Variants in RNF31 observed in about 807,000 individuals in gnomAD.
RNF31 encodes ring finger protein 31.
A neutral mutation model predicts 133.6 loss-of-function variants in RNF31; 38 were observed. That is an observed-to-expected ratio of 0.28 (90% CI 0.22 to 0.37). The LOEUF is 0.37. Ranked by LOEUF, RNF31 falls within the 10% of genes least tolerant of loss-of-function variation. The pLI is 1.00. For missense variants in RNF31, 1,118 were observed against 1,394.1 expected (o/e 0.80, Z 3.15); for synonymous variants, 582 against 552.3 (o/e 1.05, Z -0.75).
In RNF31 at chr14:24,150,977, ATTG is replaced by A; in HGVS notation, c.1488+92_1488+94del. 8 of 1,505,738 alleles carry A rather than the reference ATTG, an allele frequency of 5.3e-6. No homozygotes were observed. The South Asian group carries it at 1.0e-4, about 20-fold the overall frequency. 93.3% of individuals were successfully genotyped at this position (1,505,738 alleles called of 1,614,324 possible). A position where few individuals can be genotyped will look rare whatever the true frequency, so the allele number is the denominator to read the frequency against. The stretch of plus-strand genomic sequence containing the variant: ...GTTAATAGTTTCTATGAATCTTGTT[ATTG>A]TTAGCAGCAGCTGCCTGTTACTGAG... On this transcript the variant is annotated intron_variant, in intron 8 of 20. Transcript: ENST00000324103.
At chr14:24,153,431 G>C (rs574837391) in intron 11 of RNF31, among the ~76,000 whole-genome samples, 4 of 152,062 alleles carry the variant, frequency 2.6e-5, no homozygotes, top group African/African-American at 7.2e-5. Context: ...ACAAAAATTA[G>C]CCAGGCGTGG....
Position 24,148,304 on chromosome 14 carries a change from C to A in RNF31, c.386C>A (p.Pro129Gln). The part of the protein sequence containing the change: ...LRLYGYTEEQ[P>Q]DGLSFPEGQE... ...TTATATGGCTACACAGAGGAGCAAC[C>A]AGATGGGTTGAGCTTCCCCGAAGGG... The change falls in exon 3 of 21, where the codon CCA becomes CAA. Residue 129 changes from proline (P) to glutamine (Q), a missense_variant. Physicochemically the swap from Pro to Gln is moderately conservative, Grantham distance 76. This residue lies in a region of RNF31 where 747 missense variants were observed against 827.9 expected (regional missense o/e 0.90). Coordinates refer to ENST00000324103, the MANE Select transcript of RNF31 (RefSeq NM_017999.5). The A allele has an allele frequency of 1.2e-6, 2 of 1,614,180 alleles. No individual in the cohort carries two copies. The highest frequency in any genetic ancestry group is 1.7e-6 in the Non-Finnish European group (2 of 1,180,044).
intron 11 of RNF31, among the ~76,000 whole-genome samples, chr14:24,152,657 A>G (rs2038283545): frequency 6.6e-6 from 1 of 152,202 alleles, no homozygotes; most frequent in East Asian, 1.9e-4. Flanking sequence ...GACCTCTACA[A>G]TTATTTTAAA....
intron 3 of RNF31, 94 bp downstream of exon 3, chr14:24,148,507 C>G (rs1232435373): frequency 6.2e-7 from 1 of 1,602,420 alleles, no homozygotes; most frequent in African/African-American, 1.3e-5. Flanking sequence ...TGCTGCTGAA[C>G]TATGGGCATA....
chr14:24,154,057 G>A (rs112533935), intron 11 of RNF31, among the ~76,000 whole-genome samples: 3 of 149,618 alleles, frequency 2.0e-5, no homozygotes, highest in African/African-American at 7.3e-5. Context: ...GCGCAGTCGC[G>A]CAATCATGGC....
chr14:24,147,423 T>C, upstream of RNF31: 1 of 326,378 alleles, frequency 3.1e-6, no homozygotes, highest in East Asian at 4.8e-5. Flanking sequence ...CCCCCTGGTT[T>C]CCTGACACCG....
chr14:24,149,627 T>C, intron 6 of RNF31, 44 bp downstream of exon 6: 1 of 1,567,904 alleles, frequency 6.4e-7, no homozygotes, highest in Non-Finnish European at 8.7e-7. Flanking sequence ...TTTAGAGAAC[T>C]TAAGATCACT....
In RNF31 at chr14:24,148,536, T is replaced by C. The variant is rs796631198; in HGVS notation, c.496-106T>C. 5.1e-6 allele frequency: 8 copies of C among 1,583,836 alleles called. No individual in the cohort carries two copies. The African/African-American group carries it at 1.1e-4, about 21-fold the overall frequency. The stretch of plus-strand genomic sequence containing the variant: ...GGGCATAGTTCAGCATTCTGGGAGC[T>C]CCGGGTACTGATTTTCCTTCTGTGA... On this transcript the variant is annotated intron_variant, in intron 3 of 20. Coordinates refer to ENST00000324103, the MANE Select transcript of RNF31 (RefSeq NM_017999.5).
chr14:24,159,824 T>G, intron 18 of RNF31, 40 bp from the exon 19 acceptor site: 1 of 1,529,842 alleles, frequency 6.5e-7, no homozygotes. Context: ...TTGTGGTCAT[T>G]GGCCTCCCAA....
At chr14:24,149,679 T>C in intron 6 of RNF31, 96 bp downstream of exon 6, 1 of 1,268,112 alleles carries the variant, frequency 7.9e-7, no homozygotes, top group Non-Finnish European at 1.1e-6. Context: ...AAAGACTGTT[T>C]AATAGAGGAC....
At position 24,151,201 on chromosome 14, in the gene RNF31, C is replaced by G; in HGVS notation, c.1559C>G (p.Pro520Arg). The G allele has an allele frequency of 6.2e-7, 1 of 1,614,168 alleles. No individual in the cohort carries two copies. Among genetic ancestry groups the G allele is most frequent in the Non-Finnish European group, 8.5e-7 (1 of 1,180,050 alleles). The change falls in exon 9 of 21, where the codon CCT becomes CGT. Residue 520 changes from proline to arginine, a missense_variant. Physicochemically the swap from Pro to Arg is moderately radical, Grantham distance 103. Around this residue, in one of 3 missense-constraint regions of RNF31, gnomAD observed 747 missense variants for 827.9 expected, o/e 0.90. Coordinates refer to ENST00000324103, the MANE Select transcript of RNF31 (RefSeq NM_017999.5). The surrounding 1 kb of genome is among the most constrained non-coding windows in gnomAD (Gnocchi z 5.3). ...SALQYSGTEV[P>R]LQWLRSELPY... ...CTGCAGTACTCGGGCACTGAGGTGC[C>G]TCTGCAGTGGTTGCGCTCAGAACTG... is the stretch of plus-strand genomic sequence containing the variant.
chr14:24,150,789 A>T lies in RNF31; in HGVS notation c.1389A>T (p.Arg463=). 1 of 1,604,928 alleles carries T rather than the reference A, an allele frequency of 6.2e-7. No individual in the cohort carries two copies. The highest frequency in any genetic ancestry group is 8.5e-7 in the Non-Finnish European group (1 of 1,175,662). The stretch of plus-strand genomic sequence containing the variant: ...GACCCCCCAAGCCTGGGCCCCCACG[A>T]CGCCTTAGTGCCCCCCTGCCCAGTT... ...EKGPPKPGPP[R]RLSAPLPSSC... Residue 463 remains arginine (R), a synonymous_variant, in exon 8 of 21, where the codon CGA becomes CGT. Coordinates refer to ENST00000324103, the MANE Select transcript of RNF31 (RefSeq NM_017999.5).
At position 24,148,793 on chromosome 14, in the gene RNF31, T is replaced by A. The variant is rs1394148444; in HGVS notation, c.556-8T>A. On this transcript the variant is annotated splice_polypyrimidine_tract_variant and splice_region_variant and intron_variant, in intron 4 of 20. Transcript: ENST00000324103. The stretch of plus-strand genomic sequence containing the variant: ...ACCCTTATTCATTCCCTGCCCTTTC[T>A]TTTTCAGATGCTGCAGCTTTCAGAA... 17 of 1,614,060 alleles carry A rather than the reference T, an allele frequency of 1.1e-5. No individual in the cohort carries two copies. The highest frequency in any genetic ancestry group is 4.0e-5 in the African/African-American group (3 of 74,928).
In RNF31 at chr14:24,151,188, G is replaced by A. The variant is rs773665349; in HGVS notation, c.1546G>A (p.Gly516Ser). 1.2e-6 allele frequency: 2 copies of A among 1,614,020 alleles called. No individual in the cohort carries two copies. Among genetic ancestry groups the A allele is most frequent in the Non-Finnish European group, 1.7e-6 (2 of 1,180,056 alleles). The change falls in exon 9 of 21, where the codon GGC becomes AGC. Residue 516 changes from glycine (G) to serine (S), a missense_variant. By Grantham distance (56) the Gly-to-Ser change is moderately conservative. Transcript: ENST00000324103. This position sits in a 1 kb window ranked among gnomAD's most constrained non-coding sequence, Gnocchi z 5.3. ...GATCTTCTCGGCTCTGCAGTACTCG[G>A]GCACTGAGGTGCCTCTGCAGTGGTT... ...EEIFSALQYS[G>S]TEVPLQWLRS... is the part of the protein sequence containing the mutation.
chr14:24,148,820 T>A lies in RNF31; in HGVS notation c.575T>A (p.Phe192Tyr). The change falls in exon 5 of 21, where the codon TTT (phenylalanine) becomes TAT (tyrosine). Residue 192 changes from phenylalanine (F) to tyrosine (Y), a missense_variant. Physicochemically the swap from Phe to Tyr is conservative, Grantham distance 22. Coordinates refer to ENST00000324103, the MANE Select transcript of RNF31 (RefSeq NM_017999.5). ...TTTCAGATGCTGCAGCTTTCAGAAT[T>A]TGACCCCCTATTGAGAGAGATTGCT... ...VEDDMLQLSE[F>Y]DPLLREIAPG... 6.2e-7 allele frequency: 1 copy of A among 1,614,184 alleles called. No individual in the cohort carries two copies. The highest frequency in any genetic ancestry group is 8.5e-7 in the Non-Finnish European group (1 of 1,180,022).
rs1284151434 is a variant in RNF31 at position 24,150,093 on chromosome 14, C to A, written c.842C>A (p.Ser281Ter). The change falls in exon 7 of 21, where the codon TCG (serine) becomes TAG (stop). Residue 281 changes from serine to a stop codon, truncating the protein, a stop_gained. Coordinates refer to ENST00000324103, the MANE Select transcript of RNF31 (RefSeq NM_017999.5). LOFTEE classifies it high-confidence loss of function. ...LPASAQPRPQ[S>*]TSLLALGDSS... is the part of the protein sequence containing the mutation. The stretch of plus-strand genomic sequence containing the variant: ...GCCTCAGCCCAACCACGGCCCCAGT[C>A]GACCTCCCTGCTGGCCCTGGGAGAC... 6.3e-7 allele frequency: 1 copy of A among 1,595,926 alleles called. No individual in the cohort carries two copies. Among genetic ancestry groups the A allele is most frequent in the Admixed American group, 1.7e-5 (1 of 59,394 alleles).
chr14:24,153,441 G>A (rs796880465), intron 11 of RNF31, among the ~76,000 whole-genome samples: 1 of 152,064 alleles, frequency 6.6e-6, no homozygotes, highest in South Asian at 2.1e-4. Flanking sequence ...GCCAGGCGTG[G>A]TGGCGTGCAC....
chr14:24,159,275 A>G (rs1346369185), intron 18 of RNF31, among the ~76,000 whole-genome samples: 1 of 142,984 alleles, frequency 7.0e-6, no homozygotes, highest in Non-Finnish European at 1.5e-5. Context: ...TGAACCCGGG[A>G]GGTGGAGATT....
Position 24,155,029 on chromosome 14 carries a change from T to G in RNF31, c.2131-128T>G. 1.2e-6 allele frequency: 1 copy of G among 852,634 alleles called. No individual in the cohort carries two copies. Among genetic ancestry groups the G allele is most frequent in the Non-Finnish European group, 1.8e-6 (1 of 552,872 alleles). The allele number at this position is 852,634 out of a possible 1,614,324, so 52.8% of individuals were successfully genotyped here. A position where few individuals can be genotyped will look rare whatever the true frequency, so the allele number is the denominator to read the frequency against. ...TGCCTGCCTGGCCCCTGCTGGCACT[T>G]GAGGTTGTTAACCCTGCCCAGTTGT... On this transcript the variant is annotated intron_variant, in intron 11 of 20. Transcript: ENST00000324103. This position sits in a 1 kb window ranked among gnomAD's most constrained non-coding sequence, Gnocchi z 4.9.
Sources: gnomAD v4.1 joint callset for allele counts (sites outside exome capture counted in the v4.1 genomes callset) on GRCh38, gnomAD v4.1.1 for gene constraint, gnomAD v4.1.1 regional missense constraint, Gnocchi (gnomAD v3.1) non-coding constraint, MANE v1.5 for transcripts, NCBI Gene and HGNC (gene_info 2026-07-23, HGNC 2026-07-21) for gene names.